Variants in BCR observed in about 807,000 individuals in gnomAD.
BCR encodes the protein BCR activator of RhoGEF and GTPase, also known as breakpoint cluster region protein.
Under a neutral mutation model 138.6 loss-of-function variants are expected in BCR, and 58 were observed. The observed-to-expected ratio is 0.42, with a 90% CI of 0.34 to 0.52. BCR has a LOEUF of 0.52. Ranked by LOEUF, BCR falls within the 20% of genes least tolerant of loss-of-function variation. The pLI is 0.06. For synonymous variants in BCR, 786 were observed against 730.1 expected, an observed-to-expected ratio of 1.08 and a Z score of -1.23; for missense variants, 1,599 against 1,727.2, an observed-to-expected ratio of 0.93 and a Z score of 1.32.
At chr22:23,215,858 G>A (rs1013873390) in intron 1 of BCR, among the ~76,000 whole-genome samples, 3 of 152,186 alleles carry the variant, frequency 2.0e-5, no homozygotes, top group Non-Finnish European at 4.4e-5. Flanking sequence ...ATGTGTACAA[G>A]GGATAGGGGA....
At chr22:23,294,952 T>C in intron 15 of BCR, 72 bp from the exon 16 acceptor site, 1 of 1,567,412 alleles carries the variant, frequency 6.4e-7, no homozygotes. Context: ...GAGCCCCGGT[T>C]CAGAGGACCC....
chr22:23,314,379 C>T (rs1169881955), intron 21 of BCR, among the ~76,000 whole-genome samples, 173 bp from the exon 22 acceptor site: 1 of 152,238 alleles, frequency 6.6e-6, no homozygotes, highest in African/African-American at 2.4e-5. Flanking sequence ...CAGCCCAGAG[C>T]TGGCTCCTTG....
rs572011680 is a variant in BCR, at chr22:23,315,556, G to A, written c.*34G>A. ...GTCCATCTCCTGGAGGCGGACAGAT[G>A]GCCTGGAAACCTCTGGCTAATCGGG... On this transcript the variant is annotated 3_prime_UTR_variant, in exon 23 of 23. Transcript: ENST00000305877. 128 of 1,594,348 alleles carry A rather than the reference G, an allele frequency of 8.0e-5. No homozygotes were observed. The East Asian group carries it at 2.2e-3, about 28-fold the overall frequency.
chr22:23,284,738 C>T (rs1336614695), intron 9 of BCR, among the ~76,000 whole-genome samples: 1 of 152,180 alleles, frequency 6.6e-6, no homozygotes, highest in African/African-American at 2.4e-5. Flanking sequence ...TGTCATTGTG[C>T]AGCCTTGATG....
rs1168951060 is a variant in BCR at position 23,249,254 on chromosome 22, T to C, written c.1280-4545T>C. Among the ~76,000 whole-genome samples, 15 of 151,636 alleles carry C rather than the reference T, an allele frequency of 9.9e-5. No homozygotes were observed. The East Asian group carries it at 2.5e-3, about 26-fold the overall frequency. Reference sequence around the variant, plus strand: ...ACCATCCTGGCTAACATGGTGAAACTCCGTCTCTACTAAAAATACAAAAAA... The same window carrying C: ...ACCATCCTGGCTAACATGGTGAAACCCCGTCTCTACTAAAAATACAAAAAA... On this transcript the variant is annotated intron_variant, in intron 1 of 22. Coordinates refer to ENST00000305877, the MANE Select transcript of BCR (RefSeq NM_004327.4).
chr22:23,248,030 G>A (rs892541022), intron 1 of BCR, among the ~76,000 whole-genome samples: 2 of 152,124 alleles, frequency 1.3e-5, no homozygotes, highest in Admixed American at 1.3e-4. Context: ...GTGCAAATAT[G>A]TCTTCAAGTT....
chr22:23,268,845 GCTGA>G (rs1257120899), intron 5 of BCR, among the ~76,000 whole-genome samples: 1 of 152,240 alleles, frequency 6.6e-6, no homozygotes, highest in Non-Finnish European at 1.5e-5. Context: ...GAGTCCTGAG[GCTGA>G]CTTTGTACCT....
At chr22:23,282,810 G>A (rs9612279) in intron 8 of BCR, among the ~76,000 whole-genome samples, 2 of 152,216 alleles carry the variant, frequency 1.3e-5, no homozygotes, top group East Asian at 1.9e-4. Context: ...GGCGGGCGTC[G>A]TCCTCCCTGT....
At chr22:23,310,143 A>G in intron 17 of BCR, 181 bp from the exon 18 acceptor site, 1 of 528,380 alleles carries the variant, frequency 1.9e-6, no homozygotes. Context: ...CATCATCTTC[A>G]ACAATCCTGG....
chr22:23,315,005 A>G (rs1167447513), intron 22 of BCR, among the ~76,000 whole-genome samples: 22 of 152,336 alleles, frequency 1.4e-4, no homozygotes, highest in South Asian at 2.1e-4. Flanking sequence ...CAGGATAACC[A>G]ATCCCAGGTG....
At chr22:23,260,024 T>C (rs1204210860) in intron 2 of BCR, among the ~76,000 whole-genome samples, 2 of 152,218 alleles carry the variant, frequency 1.3e-5, no homozygotes, top group African/African-American at 4.8e-5. Flanking sequence ...ATGGAACCTT[T>C]TGGCTTCAGT....
intron 9 of BCR, among the ~76,000 whole-genome samples, chr22:23,284,352 G>T (rs2073685438): frequency 6.6e-6 from 1 of 152,088 alleles, no homozygotes; most frequent in Non-Finnish European, 1.5e-5. Flanking sequence ...TTGCAGAAAG[G>T]TCACCTCAGG....
chr22:23,252,772 G>A (rs2073246082), intron 1 of BCR, among the ~76,000 whole-genome samples: 1 of 152,090 alleles, frequency 6.6e-6, no homozygotes, highest in Non-Finnish European at 1.5e-5. Flanking sequence ...CCTGTATGGG[G>A]GAGAACCAAC....
At chr22:23,214,880 T>C (rs1484889471) in intron 1 of BCR, among the ~76,000 whole-genome samples, 1 of 152,202 alleles carries the variant, frequency 6.6e-6, no homozygotes, top group East Asian at 1.9e-4. Context: ...TGCATGACAT[T>C]AACTACATTG....
chr22:23,277,983 C>G (rs2073598598), intron 8 of BCR, among the ~76,000 whole-genome samples: 1 of 152,214 alleles, frequency 6.6e-6, no homozygotes, highest in Non-Finnish European at 1.5e-5. Context: ...CCCAAAATGA[C>G]AGGATCAAAG....
rs1043271505 is a variant in BCR at position 23,180,964 on chromosome 22, G to A, written c.4G>A (p.Val2Met). The A allele has an allele frequency of 1.5e-6, 2 of 1,368,248 alleles. No individual in the cohort carries two copies. Among genetic ancestry groups the A allele is most frequent in the African/African-American group, 1.5e-5 (1 of 67,190 alleles). 84.8% of individuals were successfully genotyped at this position (1,368,248 alleles called of 1,614,324 possible). The change falls in exon 1 of 23, where the codon GTG becomes ATG. Residue 2 changes from valine (V) to methionine (M), a missense_variant. Val to Met is a conservative substitution (Grantham distance 21, BLOSUM62 1). Transcript: ENST00000305877. The part of the protein sequence containing the change: M[V>M]DPVGFAEAWK... ...CGCAGGTAAGGCCGGCCGCGCCATGGTGGACCCGGTGGGCTTCGCGGAGGC... is the reference window on the plus strand; with the variant it reads ...CGCAGGTAAGGCCGGCCGCGCCATGATGGACCCGGTGGGCTTCGCGGAGGC...
chr22:23,241,714 G>A (rs1023357886), intron 1 of BCR, among the ~76,000 whole-genome samples: 1 of 152,062 alleles, frequency 6.6e-6, no homozygotes, highest in African/African-American at 2.4e-5. Flanking sequence ...CAGTGCCCCT[G>A]CCTGCGTTTT....
chr22:23,250,485 G>A (rs745965643), intron 1 of BCR, among the ~76,000 whole-genome samples: 23 of 152,256 alleles, frequency 1.5e-4, no homozygotes, highest in African/African-American at 1.9e-4. Context: ...TTGCTGGCCC[G>A]ACCAAAAACA....
At chr22:23,302,114 G>A (rs189809470) in intron 16 of BCR, among the ~76,000 whole-genome samples, 10 of 151,988 alleles carry the variant, frequency 6.6e-5, no homozygotes, top group East Asian at 3.9e-4. Flanking sequence ...AGCCTCTATC[G>A]TGCAAGAAGG....
Sources: gnomAD v4.1 joint callset for allele counts (sites outside exome capture counted in the v4.1 genomes callset) on GRCh38, gnomAD v4.1.1 for gene constraint, MANE v1.5 for transcripts, NCBI Gene and HGNC (gene_info 2026-07-23, HGNC 2026-07-21) for gene names.